CCDC27: variants seen among roughly 807,000 people sequenced by gnomAD.
CCDC27 encodes the protein coiled-coil domain-containing protein 27.
CCDC27 carries 80 observed loss-of-function variants against 80.3 expected under a neutral mutation model. The ratio of observed to expected loss-of-function variants is 1.00; its 90% CI spans 0.83 to 1.20. The LOEUF (loss-of-function observed/expected upper bound fraction) is 1.20, where lower values mean the gene tolerates loss of function less well. Ranked by LOEUF, CCDC27 falls within the 50% of genes most tolerant of loss-of-function variation. The pLI, the probability that CCDC27 is intolerant of heterozygous loss-of-function variation, is 0.00. For missense variants in CCDC27, 815 were observed against 809.4 expected (o/e 1.01, Z -0.08); for synonymous variants, 342 against 334.3 (o/e 1.02, Z -0.25).
rs1643321590 is a variant in CCDC27, at chr1:3,769,963, G to A, written c.1848+76G>A. 5 of 1,050,698 alleles carry A rather than the reference G, an allele frequency of 4.8e-6. No homozygotes were observed. Among genetic ancestry groups the A allele is most frequent in the East Asian group, 2.4e-5 (1 of 42,280 alleles). 65.1% of individuals were successfully genotyped at this position (1,050,698 alleles called of 1,614,324 possible). ...AGAGCTGTGGTAGGGGGTTGTGGGG[G>A]GCCTAGATTCCAGGGACTCTGTTCT... On this transcript the variant is annotated intron_variant, in intron 11 of 11. Coordinates refer to ENST00000294600, the MANE Select transcript of CCDC27 (RefSeq NM_152492.3). The surrounding 1 kb of genome is among the most constrained non-coding windows in gnomAD (Gnocchi z 4.6).
Position 3,766,511 on chromosome 1 carries a change from G to C in CCDC27, c.1453-24G>C, listed in dbSNP as rs746292740. 1.3e-6 allele frequency: 2 copies of C among 1,590,680 alleles called. No individual in the cohort carries two copies. Among genetic ancestry groups the C allele is most frequent in the Non-Finnish European group, 1.7e-6 (2 of 1,162,012 alleles). ...TTATCTAAACCTGGGAGTCCCCCAA[G>C]CCAACCCTTCTGTCTCCTTCCAGTT... is the stretch of plus-strand genomic sequence containing the variant. On this transcript the variant is annotated intron_variant, in intron 8 of 11. Coordinates refer to ENST00000294600, the MANE Select transcript of CCDC27 (RefSeq NM_152492.3). This position sits in a 1 kb window ranked among gnomAD's most constrained non-coding sequence, Gnocchi z 6.1.
Position 3,769,568 on chromosome 1 carries a change from C to T in CCDC27, c.1744-215C>T, listed in dbSNP as rs1643310329. On this transcript the variant is annotated intron_variant, in intron 10 of 11. Coordinates refer to ENST00000294600, the MANE Select transcript of CCDC27 (RefSeq NM_152492.3). This position sits in a 1 kb window ranked among gnomAD's most constrained non-coding sequence, Gnocchi z 4.6. The stretch of plus-strand genomic sequence containing the variant: ...AGAGTCTTTGGGCTTTGGGGCTGGG[C>T]CGCACAGGGTCAGGGGTTGGATCCG... 6.6e-6 allele frequency among the ~76,000 whole-genome samples: 1 copy of T among 152,046 alleles called. No homozygotes were observed. The highest frequency in any genetic ancestry group is 1.5e-5 in the Non-Finnish European group (1 of 68,012).
intron 4 of CCDC27, among the ~76,000 whole-genome samples, chr1:3,758,935 G>GCA (rs754710398): frequency 3.9e-5 from 6 of 152,054 alleles, no homozygotes; most frequent in Non-Finnish European, 8.8e-5. Context: ...ATTAGGCCAG[G>GCA]CACAGTGGCT....
rs991442216 is a variant in CCDC27 at position 3,763,600 on chromosome 1, C to A, written c.1322-106C>A. Reference sequence around the variant, plus strand: ...GCAGGGGCAGGTGTCGGCAGCCTCACCCAGGCTGGCAGAGCCCTCCCAGCT... The same window carrying A: ...GCAGGGGCAGGTGTCGGCAGCCTCAACCAGGCTGGCAGAGCCCTCCCAGCT... On this transcript the variant is annotated intron_variant, in intron 7 of 11. Transcript: ENST00000294600. The surrounding 1 kb of genome is among the most constrained non-coding windows in gnomAD (Gnocchi z 7.5). 5.8e-6 allele frequency: 9 copies of A among 1,564,358 alleles called. No homozygotes were observed. The African/African-American group carries it at 8.1e-5, about 14-fold the overall frequency.
rs1001072502 is a variant in CCDC27 at position 3,755,457 on chromosome 1, G to A, written c.443G>A (p.Gly148Asp). 7 of 1,613,672 alleles carry A rather than the reference G, an allele frequency of 4.3e-6. No individual in the cohort carries two copies. Among genetic ancestry groups the A allele is most frequent in the Non-Finnish European group, 5.9e-6 (7 of 1,179,710 alleles). ...AGATGGCATCTTTAACACTCTACAGGTTCACCCACTGAGGCCGATTTGTCC... is the reference window on the plus strand; with the variant it reads ...AGATGGCATCTTTAACACTCTACAGATTCACCCACTGAGGCCGATTTGTCC... ...STRATSMSHC[G>D]SPTEADLSGE... The change falls in exon 3 of 12, where the codon GGT becomes GAT. Residue 148 changes from glycine (G) to aspartate (D), a missense_variant and splice_region_variant. Transcript: ENST00000294600.
rs142063412 is a variant in CCDC27 at position 3,766,745 on chromosome 1, G to A, written c.1530+133G>A. On this transcript the variant is annotated intron_variant, in intron 9 of 11. Transcript: ENST00000294600. This position sits in a 1 kb window ranked among gnomAD's most constrained non-coding sequence, Gnocchi z 6.1. ...GGACCCCTTCGGTAGCATGCCACTC[G>A]ACAGATCTCTGCACCCCACGTCCAC... 1,097 of 662,808 alleles carry A rather than the reference G, an allele frequency of 1.7e-3. 12 individuals carry two copies. In the African/African-American group the frequency reaches 0.018, roughly 11 times the overall value. 41.1% of individuals were successfully genotyped at this position (662,808 alleles called of 1,614,324 possible). A position where few individuals can be genotyped will look rare whatever the true frequency, so the allele number is the denominator to read the frequency against.
Position 3,766,267 on chromosome 1 carries a change from T to C in CCDC27, c.1453-268T>C, listed in dbSNP as rs1643225459. On this transcript the variant is annotated intron_variant, in intron 8 of 11. Transcript: ENST00000294600. The surrounding 1 kb of genome is among the most constrained non-coding windows in gnomAD (Gnocchi z 6.1). ...AACAATGTCTGAGACTTTTAGGAAC[T>C]CAAGTGTGAATTGGGCTTATTTTCT... Among the ~76,000 whole-genome samples, 1 of 152,182 alleles carries C rather than the reference T, an allele frequency of 6.6e-6. No individual in the cohort carries two copies.
At chr1:3,764,239 A>G (rs1053898610) in intron 8 of CCDC27, among the ~76,000 whole-genome samples, 1 of 151,874 alleles carries the variant, frequency 6.6e-6, no homozygotes, top group Non-Finnish European at 1.5e-5. Context: ...TTAGGTTTTT[A>G]CTCTTATCAA....
Position 3,763,895 on chromosome 1 carries a change from AC to A in CCDC27, c.1452+64del. The A allele has an allele frequency of 1.9e-6, 3 of 1,585,458 alleles. No individual in the cohort carries two copies. Among genetic ancestry groups the A allele is most frequent in the Non-Finnish European group, 2.6e-6 (3 of 1,162,696 alleles). On this transcript the variant is annotated intron_variant, in intron 8 of 11. Coordinates refer to ENST00000294600, the MANE Select transcript of CCDC27 (RefSeq NM_152492.3). The surrounding 1 kb of genome is among the most constrained non-coding windows in gnomAD (Gnocchi z 7.5). ...TGAGCATGGGCCCCAGGCTTCATTA[AC>A]CCCCGGCAGCTCGGGGCAGGCGCTG...
Position 3,761,765 on chromosome 1 carries a change from C to T in CCDC27, c.861+335C>T, listed in dbSNP as rs1038232902. Among the ~76,000 whole-genome samples the T allele has an allele frequency of 7.2e-5, 11 of 152,192 alleles. No individual in the cohort carries two copies. The highest frequency in any genetic ancestry group is 1.5e-4 in the Non-Finnish European group (10 of 68,042). The stretch of plus-strand genomic sequence containing the variant: ...GCTTTCTGAATGGGGCAAGGCACAA[C>T]GCTGTCGGGGCTCAGGGTCCTTATC... On this transcript the variant is annotated intron_variant, in intron 5 of 11. Coordinates refer to ENST00000294600, the MANE Select transcript of CCDC27 (RefSeq NM_152492.3). The surrounding 1 kb of genome is among the most constrained non-coding windows in gnomAD (Gnocchi z 5.0).
Position 3,755,557 on chromosome 1 carries a change from G to T in CCDC27, c.543G>T (p.Thr181=). 1 of 1,613,664 alleles carries T rather than the reference G, an allele frequency of 6.2e-7. No individual in the cohort carries two copies. Among genetic ancestry groups the T allele is most frequent in the Non-Finnish European group, 8.5e-7 (1 of 1,179,770 alleles). ...DLFLARRGSD[T]NVDGYLLPFS... is the part of the protein sequence containing the mutation. ...TCTTGGCCAGGCGGGGCTCAGACAC[G>T]AACGTGGACGGTGAGGGAGCCCCTA... Residue 181 remains threonine, a synonymous_variant, in exon 3 of 12, where the codon ACG becomes ACT. Transcript: ENST00000294600.
chr1:3,771,554 C>T lies in CCDC27; in HGVS notation c.*31C>T. The T allele has an allele frequency of 1.2e-6, 2 of 1,610,704 alleles. No individual in the cohort carries two copies. Among genetic ancestry groups the T allele is most frequent in the Non-Finnish European group, 1.7e-6 (2 of 1,179,532 alleles). On this transcript the variant is annotated 3_prime_UTR_variant, in exon 12 of 12. Transcript: ENST00000294600. ...GCCAGGCCCCCAAATACGGTCAGCC[C>T]AGCAGAGGCCGGGGCCCAGCTCCAG...
chr1:3,765,995 G>A (rs912225372), intron 8 of CCDC27, among the ~76,000 whole-genome samples: 1 of 151,846 alleles, frequency 6.6e-6, no homozygotes, highest in Admixed American at 6.6e-5. Flanking sequence ...TCAGCCTCCT[G>A]AGGAGCTGGG....
rs200636445 is a variant in CCDC27, at chr1:3,763,370, C to G, written c.1217C>G (p.Ser406Trp). 6.2e-6 allele frequency: 10 copies of G among 1,612,928 alleles called. No individual in the cohort carries two copies. Among genetic ancestry groups the G allele is most frequent in the Non-Finnish European group, 7.6e-6 (9 of 1,179,978 alleles). ...PRRRASSLAE[S>W]FEEELLAQLE... The stretch of plus-strand genomic sequence containing the variant: ...AGAAGGGCCTCCTCCCTGGCCGAGT[C>G]GTTTGAGGAGGAGCTGCTGGCCCAG... Residue 406 changes from serine (S) to tryptophan (W), a missense_variant, in exon 7 of 12, where the codon TCG (serine) becomes TGG (tryptophan). Transcript: ENST00000294600. This position sits in a 1 kb window ranked among gnomAD's most constrained non-coding sequence, Gnocchi z 7.5.
rs1643275792 is a variant in CCDC27, at chr1:3,768,076, TA to T, written c.1743+634del. Among the ~76,000 whole-genome samples, 1 of 140,292 alleles carries T rather than the reference TA, an allele frequency of 7.1e-6. No individual in the cohort carries two copies. The highest frequency in any genetic ancestry group is 2.3e-4 in the South Asian group (1 of 4,416). 92.0% of individuals were successfully genotyped at this position (140,292 alleles called of 152,430 possible). ...GGCCCCATGCCAAAAAGGAAATCAA[TA>T]AAGAGCTGACCTTTTTTTTTTTTTT... On this transcript the variant is annotated intron_variant, in intron 10 of 11. Transcript: ENST00000294600. This position sits in a 1 kb window ranked among gnomAD's most constrained non-coding sequence, Gnocchi z 5.6.
intron 4 of CCDC27, among the ~76,000 whole-genome samples, chr1:3,759,669 G>A (rs957223857): frequency 6.6e-6 from 1 of 152,216 alleles, no homozygotes; most frequent in Admixed American, 6.5e-5. Context: ...TCATATGACT[G>A]AATGGAGACA....
Position 3,767,423 on chromosome 1 carries a change from C to T in CCDC27, c.1721C>T (p.Ala574Val), listed in dbSNP as rs769760988. 7 of 1,612,706 alleles carry T rather than the reference C, an allele frequency of 4.3e-6. 1 individual carries two copies. Among genetic ancestry groups the T allele is most frequent in the South Asian group, 1.1e-5 (1 of 91,026 alleles). The change falls in exon 10 of 12, where the codon GCC becomes GTC. Residue 574 changes from alanine (A) to valine (V), a missense_variant. By Grantham distance (64) the Ala-to-Val change is moderately conservative. Coordinates refer to ENST00000294600, the MANE Select transcript of CCDC27 (RefSeq NM_152492.3). ...IQQAEQHTRV[A>V]LESSQSRLER... Reference sequence around the variant, plus strand: ...CAGGCAGAGCAGCACACCCGCGTGGCCCTGGAGAGCTCCCAGTCCAGGGTA... The same window carrying T: ...CAGGCAGAGCAGCACACCCGCGTGGTCCTGGAGAGCTCCCAGTCCAGGGTA...
chr1:3,763,070 C>A lies in CCDC27; in HGVS notation c.955-38C>A. On this transcript the variant is annotated intron_variant, in intron 6 of 11. Transcript: ENST00000294600. This position sits in a 1 kb window ranked among gnomAD's most constrained non-coding sequence, Gnocchi z 7.5. ...AGAGCCCTCTGCCCTGGGGGTGCCC[C>A]GCAGCCCTGCCCAGCCCCTGCCCTA... The A allele has an allele frequency of 2.8e-6, 4 of 1,453,906 alleles. No individual in the cohort carries two copies. The highest frequency in any genetic ancestry group is 3.6e-6 in the Non-Finnish European group (4 of 1,102,220). The allele number at this position is 1,453,906 out of a possible 1,614,324, so 90.1% of individuals were successfully genotyped here.
chr1:3,759,828 T>G (rs1488711281), intron 4 of CCDC27, among the ~76,000 whole-genome samples: 1 of 152,250 alleles, frequency 6.6e-6, no homozygotes, highest in Non-Finnish European at 1.5e-5. Context: ...AGAAATAGGC[T>G]GAGCATATCA....
Sources: gnomAD v4.1 joint callset for allele counts (sites outside exome capture counted in the v4.1 genomes callset) on GRCh38, gnomAD v4.1.1 for gene constraint, Gnocchi (gnomAD v3.1) non-coding constraint, MANE v1.5 for transcripts, NCBI Gene and HGNC (gene_info 2026-07-23, HGNC 2026-07-21) for gene names.